The following NVL variants were observed in gnomAD, a reference collection of about 807,000 sequenced individuals.
The protein encoded by NVL is nuclear valosin-containing protein-like.
A neutral mutation model predicts 110.2 loss-of-function variants in NVL; 84 were observed. The observed-to-expected ratio is 0.76, with a 90% CI of 0.64 to 0.91. The LOEUF (loss-of-function observed/expected upper bound fraction) is 0.91, where lower values mean the gene tolerates loss of function less well. Ranked by LOEUF, NVL falls within the 40% of genes least tolerant of loss-of-function variation. NVL has a pLI of 0.00. For missense variants in NVL, 882 were observed against 1,035.9 expected (o/e 0.85, Z 2.04); for synonymous variants, 354 against 361.1 (o/e 0.98, Z 0.22).
In NVL at chr1:224,303,490, A is replaced by T. The variant is rs1668615069; in HGVS notation, c.960+233T>A. On this transcript the variant is annotated intron_variant, in intron 9 of 22. Coordinates refer to ENST00000281701, the MANE Select transcript of NVL (RefSeq NM_002533.4). Reference sequence around the variant, plus strand: ...TTTATCTAACTCTTGCCATATAAACAATTACATACATTAAAAAAAAAAATC... The same window carrying T: ...TTTATCTAACTCTTGCCATATAAACTATTACATACATTAAAAAAAAAAATC... Among the ~76,000 whole-genome samples the T allele has an allele frequency of 1.3e-5, 2 of 150,338 alleles. 1 individual carries two copies. The highest frequency in any genetic ancestry group is 1.3e-4 in the Admixed American group (2 of 15,194).
chr1:224,281,223 T>C (rs1313515528), intron 15 of NVL, 38 bp from the exon 16 acceptor site: 2 of 1,472,332 alleles, frequency 1.4e-6, no homozygotes, highest in Non-Finnish European at 9.5e-7. Flanking sequence ...ATAAGACCAA[T>C]ACACAGTAAT....
intron 15 of NVL, among the ~76,000 whole-genome samples, chr1:224,283,203 T>G (rs1480919729): frequency 6.6e-6 from 1 of 152,166 alleles, no homozygotes. Flanking sequence ...GAAATCTGAC[T>G]AAGGCCGGGC....
intron 22 of NVL, among the ~76,000 whole-genome samples, chr1:224,229,330 G>A (rs1192560617): frequency 3.3e-5 from 5 of 151,784 alleles, no homozygotes; most frequent in African/African-American, 4.8e-5. Context: ...TAAATAAAAA[G>A]AGTTCCAGCT....
At chr1:224,264,244 A>ATT (rs761611227) in intron 18 of NVL, among the ~76,000 whole-genome samples, 3 of 139,746 alleles carry the variant, frequency 2.1e-5, no homozygotes, top group Non-Finnish European at 1.6e-5. Flanking sequence ...AAAAATGGTG[A>ATT]TTTTTTTTTT....
chr1:224,227,651 C>T lies in NVL; in HGVS notation c.2546G>A (p.Arg849His), dbSNP rs139070771. Residue 849 changes from arginine to histidine, a missense_variant, in exon 23 of 23, where the codon CGT becomes CAT. Physicochemically the swap from Arg to His is conservative, Grantham distance 29. Coordinates refer to ENST00000281701, the MANE Select transcript of NVL (RefSeq NM_002533.4). ...TCACCGGCTGAGGGACTCCTGCAAA[C>T]GTTCATACATGATTTGATCCTGAAA... Reference protein sequence around the residue: ...ISKKDQIMYERLQESLSR With the variant: ...ISKKDQIMYEHLQESLSR 51 of 1,611,244 alleles carry T rather than the reference C, an allele frequency of 3.2e-5. No homozygotes were observed. Among genetic ancestry groups the T allele is most frequent in the East Asian group, 4.5e-5 (2 of 44,768 alleles).
chr1:224,255,191 T>C (rs1663058307), intron 18 of NVL, among the ~76,000 whole-genome samples: 1 of 131,688 alleles, frequency 7.6e-6, no homozygotes. Flanking sequence ...GGTTTTTTTT[T>C]TTTTTTTTTT....
intron 4 of NVL, 116 bp downstream of exon 4, chr1:224,317,578 A>T: frequency 1.5e-6 from 1 of 652,108 alleles, no homozygotes; most frequent in Non-Finnish European, 2.7e-6. Context: ...TGAAGAGGTT[A>T]GGTAAATATC....
intron 18 of NVL, among the ~76,000 whole-genome samples, chr1:224,253,052 C>CT (rs1013996920): frequency 1.9e-3 from 274 of 146,862 alleles, no homozygotes; most frequent in African/African-American, 5.7e-3. Context: ...TTTGTATATG[C>CT]TTTTTTTTTT....
At chr1:224,281,624 C>T (rs2102596026) in intron 15 of NVL, among the ~76,000 whole-genome samples, 1 of 151,394 alleles carries the variant, frequency 6.6e-6, no homozygotes, top group South Asian at 2.1e-4. Context: ...AATTCTGTGT[C>T]TCCCTTTCTA....
chr1:224,290,969 G>A (rs943103836), intron 12 of NVL, among the ~76,000 whole-genome samples: 7 of 151,994 alleles, frequency 4.6e-5, no homozygotes, highest in South Asian at 4.2e-4. Context: ...ACTCCATCTC[G>A]AATAATTTAA....
At chr1:224,280,590 T>C (rs1016144234) in intron 16 of NVL, among the ~76,000 whole-genome samples, 3 of 152,202 alleles carry the variant, frequency 2.0e-5, no homozygotes, top group Non-Finnish European at 1.5e-5. Context: ...GATTTAAAAA[T>C]TGAGGTAGAG....
At chr1:224,295,402 G>T (rs993897341) in intron 11 of NVL, among the ~76,000 whole-genome samples, 1 of 151,556 alleles carries the variant, frequency 6.6e-6, no homozygotes, top group African/African-American at 2.4e-5. Context: ...GAGTTTCACC[G>T]TGTTAACCAG....
chr1:224,260,242 G>A (rs1046682523), intron 18 of NVL, among the ~76,000 whole-genome samples: 3 of 152,248 alleles, frequency 2.0e-5, no homozygotes, highest in Admixed American at 6.5e-5. Flanking sequence ...TACCTTCTCT[G>A]TGAGTCATCC....
In NVL at chr1:224,287,847, A is replaced by G. The variant is rs1277256450; in HGVS notation, c.1722T>C (p.Thr574=). ...TATCTGCCCATGTCACATTAGGGACAGTGACAAAGCCTTCCCTTTTGGCAG... is the reference window on the plus strand; with the variant it reads ...TATCTGCCCATGTCACATTAGGGACGGTGACAAAGCCTTCCCTTTTGGCAG... The part of the protein sequence containing the change: ...QPSAKREGFV[T]VPNVTWADIG... The change falls in exon 14 of 23, where the codon ACT becomes ACC. Residue 574 remains threonine (T), a synonymous_variant. Transcript: ENST00000281701. The G allele has an allele frequency of 6.2e-7, 1 of 1,614,202 alleles. No individual in the cohort carries two copies. Among genetic ancestry groups the G allele is most frequent in the Non-Finnish European group, 8.5e-7 (1 of 1,180,014 alleles).
intron 13 of NVL, among the ~76,000 whole-genome samples, 182 bp from the exon 14 acceptor site, chr1:224,288,175 T>A (rs1399221608): frequency 6.6e-6 from 1 of 152,228 alleles, no homozygotes; most frequent in Non-Finnish European, 1.5e-5. Context: ...AAGGATCATA[T>A]GCTCTGGTCA....
chr1:224,288,030 A>G (rs952220014), intron 13 of NVL, 37 bp from the exon 14 acceptor site: 11 of 1,448,078 alleles, frequency 7.6e-6, no homozygotes, highest in Non-Finnish European at 1.1e-5. Context: ...AAATAAAGAA[A>G]CACCACAACA....
At chr1:224,250,169 A>G in intron 19 of NVL, 43 bp downstream of exon 19, 1 of 1,588,542 alleles carries the variant, frequency 6.3e-7, no homozygotes, top group South Asian at 1.2e-5. Context: ...TCTATTTAAA[A>G]CAAGAGAAAC....
At chr1:224,325,535 A>C (rs956217257) in intron 2 of NVL, among the ~76,000 whole-genome samples, 1 of 151,952 alleles carries the variant, frequency 6.6e-6, no homozygotes, top group African/African-American at 2.4e-5. Context: ...GGAGTTCGAG[A>C]CCAGCCTGGC....
At chr1:224,286,801 C>T (rs1223957436) in intron 14 of NVL, among the ~76,000 whole-genome samples, 1 of 152,142 alleles carries the variant, frequency 6.6e-6, no homozygotes, top group Admixed American at 6.5e-5. Flanking sequence ...TGACTATAAT[C>T]CCAGTGTATT....
Sources: gnomAD v4.1 joint callset for allele counts (sites outside exome capture counted in the v4.1 genomes callset) on GRCh38, gnomAD v4.1.1 for gene constraint, MANE v1.5 for transcripts, NCBI Gene and HGNC (gene_info 2026-07-23, HGNC 2026-07-21) for gene names.